BPIFC: variants seen among roughly 807,000 people sequenced by gnomAD.
The protein encoded by BPIFC is BPI fold-containing family C protein.
BPIFC carries 60 observed loss-of-function variants against 57.6 expected under a neutral mutation model. The ratio of observed to expected loss-of-function variants is 1.04; its 90% CI spans 0.85 to 1.29. The LOEUF (loss-of-function observed/expected upper bound fraction) is 1.29, where lower values mean the gene tolerates loss of function less well. Ranked by LOEUF, BPIFC falls within the 50% of genes most tolerant of loss-of-function variation. The pLI is 0.00. For missense variants in BPIFC, 581 were observed against 600.5 expected (o/e 0.97, Z 0.34); for synonymous variants, 243 against 224.5 (o/e 1.08, Z -0.74).
At position 32,414,419 on chromosome 22, in the gene BPIFC, G is replaced by A; in HGVS notation, c.1408C>T (p.Leu470Phe). ...NSDIEVLEGF[L>F]LISTDLKYET... is the part of the protein sequence containing the mutation. The stretch of plus-strand genomic sequence containing the variant: ...TACTTCAGGTCGGTGGAAATCAAAA[G>A]GAAACCCTGGAAAGGATGTGACAAT... Residue 470 changes from leucine (L) to phenylalanine (F), a missense_variant, in exon 17 of 17, where the codon CTT (leucine) becomes TTT (phenylalanine). Transcript: ENST00000300399. 6.2e-7 allele frequency: 1 copy of A among 1,613,334 alleles called. No individual in the cohort carries two copies. Among genetic ancestry groups the A allele is most frequent in the Non-Finnish European group, 8.5e-7 (1 of 1,179,548 alleles).
At position 32,461,635 on chromosome 22, in the gene BPIFC, T is replaced by C. The variant is rs1355906849; in HGVS notation, c.-62A>G. On this transcript the variant is annotated 5_prime_UTR_variant, in exon 2 of 17. Coordinates refer to ENST00000300399, the MANE Select transcript of BPIFC (RefSeq NM_174932.3). The stretch of plus-strand genomic sequence containing the variant: ...TGCTGGGCCTTTCTTGATCCTTTAG[T>C]TGCCCTTGGAGGTTAGTCAAGGTGT... 1 of 985,474 alleles carries C rather than the reference T, an allele frequency of 1.0e-6. No individual in the cohort carries two copies. The highest frequency in any genetic ancestry group is 1.2e-6 in the Non-Finnish European group (1 of 830,082). The allele number at this position is 985,474 out of a possible 1,614,324, so 61.0% of individuals were successfully genotyped here.
intron 11 of BPIFC, among the ~76,000 whole-genome samples, chr22:32,433,279 A>C (rs143421566): frequency 0.014 from 2,084 of 152,302 alleles, 25 homozygotes; most frequent in Non-Finnish European, 0.023. Flanking sequence ...TGCTACATGA[A>C]CATCTCTTTG....
At chr22:32,454,839 G>A (rs1221107749) in intron 3 of BPIFC, among the ~76,000 whole-genome samples, 1 of 152,162 alleles carries the variant, frequency 6.6e-6, no homozygotes, top group Non-Finnish European at 1.5e-5. Flanking sequence ...GACTCTGCAA[G>A]TTACATAGCT....
rs185964102 is a variant in BPIFC at position 32,436,750 on chromosome 22, T to G, written c.748-870A>C. 2.3e-3 allele frequency among the ~76,000 whole-genome samples: 355 copies of G among 152,308 alleles called. 2 individuals are homozygous for G. Among genetic ancestry groups the G allele is most frequent in the African/African-American group, 8.2e-3 (341 of 41,554 alleles). On this transcript the variant is annotated intron_variant, in intron 9 of 16. Coordinates refer to ENST00000300399, the MANE Select transcript of BPIFC (RefSeq NM_174932.3). ...GGTGTCAAACACTTGACCTTCAAAA[T>G]CTGTGTCTGCTGAGTACCTGGGGAA...
intron 9 of BPIFC, among the ~76,000 whole-genome samples, chr22:32,436,367 G>GGAGGAA (rs1601462436): frequency 4.6e-5 from 4 of 86,128 alleles, no homozygotes; most frequent in East Asian, 4.8e-4. Context: ...AGGAGGAGGA[G>GGAGGAA]GAGGAGGAGG....
intron 8 of BPIFC, among the ~76,000 whole-genome samples, chr22:32,440,793 G>C (rs746507426): frequency 6.6e-6 from 1 of 151,992 alleles, no homozygotes; most frequent in Non-Finnish European, 1.5e-5. Flanking sequence ...ATCCCAACAT[G>C]CCTTACCATC....
At chr22:32,432,278 C>T (rs1934267855) in intron 12 of BPIFC, 95 bp downstream of exon 12, 1 of 1,351,024 alleles carries the variant, frequency 7.4e-7, no homozygotes, top group Non-Finnish European at 1.0e-6. Context: ...GTAGCATCCC[C>T]ACCCTCTTCA....
intron 13 of BPIFC, among the ~76,000 whole-genome samples, chr22:32,423,648 C>G (rs1417720841): frequency 6.9e-6 from 1 of 144,608 alleles, no homozygotes; most frequent in African/African-American, 2.6e-5. Flanking sequence ...TTGGAGTGTC[C>G]AAAGTCTCAA....
chr22:32,436,718 A>G (rs1934413263), intron 9 of BPIFC, among the ~76,000 whole-genome samples: 1 of 152,216 alleles, frequency 6.6e-6, no homozygotes, highest in Non-Finnish European at 1.5e-5. Flanking sequence ...CTGAGGTGCC[A>G]TGTAGTGGTG....
chr22:32,461,846 C>T (rs1299504560), intron 1 of BPIFC, among the ~76,000 whole-genome samples, 185 bp from the exon 2 acceptor site: 1 of 152,116 alleles, frequency 6.6e-6, no homozygotes, highest in African/African-American at 2.4e-5. Context: ...ATGTGTTATG[C>T]CAAGACAGGC....
intron 3 of BPIFC, among the ~76,000 whole-genome samples, chr22:32,456,215 AACAAGATAC>A (rs1935033427): frequency 6.6e-6 from 1 of 152,242 alleles, no homozygotes; most frequent in Admixed American, 6.5e-5. Context: ...TCAGTATAGT[AACAAGATAC>A]ACACACATGC....
intron 13 of BPIFC, among the ~76,000 whole-genome samples, chr22:32,430,007 A>G (rs1934194802): frequency 6.6e-6 from 1 of 152,110 alleles, no homozygotes; most frequent in South Asian, 2.1e-4. Context: ...CTGATGGATG[A>G]CTTCAACTAC....
At chr22:32,436,022 C>T in intron 9 of BPIFC, 142 bp from the exon 10 acceptor site, 2 of 866,276 alleles carry the variant, frequency 2.3e-6, no homozygotes, top group Non-Finnish European at 3.4e-6. Flanking sequence ...ATAATCCCAA[C>T]ACTTTGGGAG....
chr22:32,429,428 G>A (rs188107668), intron 13 of BPIFC, among the ~76,000 whole-genome samples: 2 of 149,676 alleles, frequency 1.3e-5, no homozygotes, highest in South Asian at 2.1e-4. Context: ...GGATGGTCTC[G>A]ATCTCCTGAC....
intron 13 of BPIFC, among the ~76,000 whole-genome samples, chr22:32,430,689 G>A (rs1934215298): frequency 6.6e-6 from 1 of 151,528 alleles, no homozygotes; most frequent in African/African-American, 2.4e-5. Flanking sequence ...TGCTCAGGTT[G>A]GAGTGCAGTG....
Position 32,431,517 on chromosome 22 carries a change from T to G in BPIFC, c.1150-103A>C, listed in dbSNP as rs368297471. The G allele has an allele frequency of 4.2e-5, 33 of 783,566 alleles. 1 individual carries two copies. The African/African-American group carries it at 4.5e-4, about 11-fold the overall frequency. The allele number at this position is 783,566 out of a possible 1,614,324, so 48.5% of individuals were successfully genotyped here. On this transcript the variant is annotated intron_variant, in intron 12 of 16. Coordinates refer to ENST00000300399, the MANE Select transcript of BPIFC (RefSeq NM_174932.3). ...AACATTATAAGCCCAACATTCCCCC[T>G]TAGTGTAAAGACATTGGAAGTCTAA...
intron 7 of BPIFC, among the ~76,000 whole-genome samples, chr22:32,445,086 T>C (rs1322692443): frequency 6.6e-6 from 1 of 152,240 alleles, no homozygotes; most frequent in African/African-American, 2.4e-5. Flanking sequence ...TTGCTTTCTT[T>C]ATCTCTGCAT....
chr22:32,460,800 G>A (rs1935144709), intron 2 of BPIFC, among the ~76,000 whole-genome samples: 1 of 152,160 alleles, frequency 6.6e-6, no homozygotes, highest in Non-Finnish European at 1.5e-5. Flanking sequence ...TCTGGCTTAT[G>A]ATTTGCCTTC....
chr22:32,447,194 T>C lies in BPIFC; in HGVS notation c.374+18A>G, dbSNP rs1277289728. 1.3e-6 allele frequency: 2 copies of C among 1,566,038 alleles called. No homozygotes were observed. Among genetic ancestry groups the C allele is most frequent in the African/African-American group, 2.7e-5 (2 of 73,080 alleles). The stretch of plus-strand genomic sequence containing the variant: ...CATTCTCCCAGAACAGCTGCAGACA[T>C]TTCAGTGGAATACTCACAAAAGTGG... On this transcript the variant is annotated intron_variant, in intron 5 of 16. Transcript: ENST00000300399.
Sources: gnomAD v4.1 joint callset for allele counts (sites outside exome capture counted in the v4.1 genomes callset) on GRCh38, gnomAD v4.1.1 for gene constraint, MANE v1.5 for transcripts, NCBI Gene and HGNC (gene_info 2026-07-23, HGNC 2026-07-21) for gene names.